The following SRGAP3 variants were observed in gnomAD, a reference collection of about 807,000 sequenced individuals.
The protein encoded by SRGAP3 is SLIT-ROBO Rho GTPase-activating protein 3.
A neutral mutation model predicts 121.1 loss-of-function variants in SRGAP3; 39 were observed. That is an observed-to-expected ratio of 0.32 (90% CI 0.25 to 0.42). SRGAP3 has a LOEUF of 0.42. SRGAP3 is among the 10% of genes least tolerant of loss of function. The pLI, the probability that SRGAP3 is intolerant of heterozygous loss-of-function variation, is 1.00. For synonymous variants in SRGAP3, 601 were observed against 570.0 expected (o/e 1.05, Z -0.77); for missense variants, 1,213 against 1,470.6 (o/e 0.82, Z 2.86).
intron 1 of SRGAP3, among the ~76,000 whole-genome samples, chr3:9,159,359 C>T (rs1234129963): frequency 2.0e-5 from 3 of 152,182 alleles, no homozygotes; most frequent in Non-Finnish European, 4.4e-5. Context: ...CACTTACCTC[C>T]CCCGGCCAGC....
At chr3:9,136,995 G>A (rs528898164) in intron 1 of SRGAP3, among the ~76,000 whole-genome samples, 3 of 152,324 alleles carry the variant, frequency 2.0e-5, no homozygotes, top group South Asian at 2.1e-4. Context: ...GAGGAAGTAA[G>A]AGCAGACATT....
At position 9,199,073 on chromosome 3, in the gene SRGAP3, A is replaced by G. The variant is rs141109651; in HGVS notation, c.67+49812T>C. On this transcript the variant is annotated intron_variant, in intron 1 of 21. Coordinates refer to ENST00000383836, the MANE Select transcript of SRGAP3 (RefSeq NM_014850.4). Reference sequence around the variant, plus strand: ...CATCCAATATCTGCCCCCCCTTCCCATCCTTTTTAAGCCAGCTATCTCCAA... The same window carrying G: ...CATCCAATATCTGCCCCCCCTTCCCGTCCTTTTTAAGCCAGCTATCTCCAA... Among the ~76,000 whole-genome samples the G allele has an allele frequency of 8.7e-3, 1,321 of 151,932 alleles. 17 individuals are homozygous for G. The highest frequency in any genetic ancestry group is 0.03 in the African/African-American group (1,223 of 41,430).
intron 14 of SRGAP3, among the ~76,000 whole-genome samples, chr3:9,022,466 C>A (rs1943975424): frequency 6.6e-6 from 1 of 152,182 alleles, no homozygotes. Flanking sequence ...GAGCTGGGCC[C>A]AGATTTGGGC....
intron 2 of SRGAP3, among the ~76,000 whole-genome samples, chr3:9,105,251 G>A (rs1348329295): frequency 1.3e-5 from 2 of 152,200 alleles, no homozygotes; most frequent in Non-Finnish European, 2.9e-5. Flanking sequence ...CATTCTGCCT[G>A]CCTCAACCCC....
At position 9,148,958 on chromosome 3, in the gene SRGAP3, G is replaced by C. The variant is rs186175363; in HGVS notation, c.68-24041C>G. ...AGACTGGGTATGGGGGCTCACTCCTGTAATACCAGCACTTTGGGAGGCTGA... is the reference window on the plus strand; with the variant it reads ...AGACTGGGTATGGGGGCTCACTCCTCTAATACCAGCACTTTGGGAGGCTGA... On this transcript the variant is annotated intron_variant, in intron 1 of 21. Coordinates refer to ENST00000383836, the MANE Select transcript of SRGAP3 (RefSeq NM_014850.4). Among the ~76,000 whole-genome samples the C allele has an allele frequency of 3.9e-3, 592 of 152,234 alleles. 4 individuals are homozygous for C. The highest frequency in any genetic ancestry group is 0.014 in the African/African-American group (567 of 41,544).
At chr3:9,361,052 A>C (rs1479815636) in intron 1 of SRGAP3, among the ~76,000 whole-genome samples, 1 of 152,120 alleles carries the variant, frequency 6.6e-6, no homozygotes, top group African/African-American at 2.4e-5. Flanking sequence ...TCATGTGCTT[A>C]TTGGCCATTT....
chr3:9,300,708 T>C (rs1020081627), intron 3 of SRGAP3, among the ~76,000 whole-genome samples: 2 of 152,182 alleles, frequency 1.3e-5, no homozygotes, highest in Non-Finnish European at 2.9e-5. Context: ...CCCCAGGAGA[T>C]ATTTCATGAT....
chr3:9,311,013 T>G (rs1955231815), intron 3 of SRGAP3, among the ~76,000 whole-genome samples: 1 of 151,652 alleles, frequency 6.6e-6, no homozygotes, highest in Non-Finnish European at 1.5e-5. Context: ...CTACTAAAAA[T>G]ACAAAAATTA....
In SRGAP3 at chr3:9,047,354, G is replaced by A. The variant is rs146794353; in HGVS notation, c.1408+37C>T. 494 of 1,605,700 alleles carry A rather than the reference G, an allele frequency of 3.1e-4. 2 individuals carry two copies. In the African/African-American group the frequency reaches 4.8e-3, roughly 15 times the overall value. ...GCCACAGTGAGAGCCAGTGGGGAACGCAGCACCTCCCAGAGGGCCTCCACC... is the reference window on the plus strand; with the variant it reads ...GCCACAGTGAGAGCCAGTGGGGAACACAGCACCTCCCAGAGGGCCTCCACC... On this transcript the variant is annotated intron_variant, in intron 10 of 21. Coordinates refer to ENST00000383836, the MANE Select transcript of SRGAP3 (RefSeq NM_014850.4).
intron 1 of SRGAP3, among the ~76,000 whole-genome samples, chr3:9,164,281 T>C (rs79918730): frequency 6.7e-6 from 1 of 149,298 alleles, no homozygotes; most frequent in Non-Finnish European, 1.5e-5. Context: ...GACTATTTTA[T>C]TTATTTATTT....
At chr3:9,106,397 G>A (rs955825854) in intron 2 of SRGAP3, among the ~76,000 whole-genome samples, 1 of 152,200 alleles carries the variant, frequency 6.6e-6, no homozygotes, top group African/African-American at 2.4e-5. Flanking sequence ...GGCCTGCCTT[G>A]TCCCACCCCT....
intron 1 of SRGAP3, among the ~76,000 whole-genome samples, chr3:9,351,523 G>A (rs1331548501): frequency 2.0e-5 from 3 of 152,172 alleles, no homozygotes; most frequent in Non-Finnish European, 4.4e-5. Flanking sequence ...AGTAGAGTTA[G>A]AGGGATTGAA....
chr3:9,062,849 T>C (rs1250486051), intron 5 of SRGAP3, among the ~76,000 whole-genome samples: 1 of 152,210 alleles, frequency 6.6e-6, no homozygotes, highest in East Asian at 1.9e-4. Flanking sequence ...AGTCTTTGAA[T>C]GGACATATGT....
At chr3:9,175,400 G>A (rs1410725538) in intron 1 of SRGAP3, among the ~76,000 whole-genome samples, 5 of 152,206 alleles carry the variant, frequency 3.3e-5, no homozygotes, top group Admixed American at 2.6e-4. Flanking sequence ...ACAAGCCAGG[G>A]CCACAGAAAG....
At chr3:9,065,366 G>T (rs1946379310) in intron 4 of SRGAP3, 1 of 152,176 alleles carries the variant, frequency 6.6e-6, no homozygotes, top group Non-Finnish European at 1.5e-5. Context: ...GACAAACAGG[G>T]AAACTGAGGC....
At chr3:8,986,320 G>C (rs557451599) in intron 21 of SRGAP3, among the ~76,000 whole-genome samples, 4 of 152,296 alleles carry the variant, frequency 2.6e-5, no homozygotes, top group African/African-American at 9.6e-5. Flanking sequence ...TCAGGGAGTT[G>C]ATGAGTGCAT....
intron 1 of SRGAP3, among the ~76,000 whole-genome samples, chr3:9,208,509 C>T (rs1360642026): frequency 6.6e-6 from 1 of 152,242 alleles, no homozygotes; most frequent in African/African-American, 2.4e-5. Context: ...CTGTTGCAAT[C>T]ACATGCCTTG....
In SRGAP3 at chr3:8,981,303, G is replaced by C. The variant is rs1463744797; in HGVS notation, c.*4216C>G. 3 of 232,876 alleles carry C rather than the reference G, an allele frequency of 1.3e-5. No individual in the cohort carries two copies. Among genetic ancestry groups the C allele is most frequent in the Non-Finnish European group, 2.5e-5 (3 of 117,954 alleles). The allele number at this position is 232,876 out of a possible 1,614,324, so 14.4% of individuals were successfully genotyped here. A position where few individuals can be genotyped will look rare whatever the true frequency, so the allele number is the denominator to read the frequency against. Reference sequence around the variant, plus strand: ...AGAAAATCAGCTAGGCAACACCTCGGCTCACCCCTTTCTGCCTTTCCTCCT... The same window carrying C: ...AGAAAATCAGCTAGGCAACACCTCGCCTCACCCCTTTCTGCCTTTCCTCCT... On this transcript the variant is annotated 3_prime_UTR_variant, in exon 22 of 22. Transcript: ENST00000383836.
intron 9 of SRGAP3, among the ~76,000 whole-genome samples, chr3:9,049,067 C>G (rs1043328456): frequency 1.3e-5 from 2 of 152,168 alleles, no homozygotes; most frequent in African/African-American, 4.8e-5. Context: ...GAAACCCACT[C>G]TATTGTCCCA....
Sources: allele counts gnomAD v4.1 joint callset (sites outside exome capture counted in the v4.1 genomes callset), GRCh38; gene constraint gnomAD v4.1.1; transcripts MANE v1.5; gene names NCBI Gene and HGNC (gene_info 2026-07-23, HGNC 2026-07-21).